Variants in DISP1 observed in about 807,000 individuals in gnomAD.
DISP1 encodes dispatched RND transporter family member 1, also known as protein dispatched homolog 1.
In DISP1, 30 loss-of-function variants were observed where a neutral mutation model predicts 37.3. The ratio of observed to expected loss-of-function variants is 0.80; its 90% confidence interval spans 0.60 to 1.09. The LOEUF (loss-of-function observed/expected upper bound fraction) is 1.09. Ranked by LOEUF, DISP1 falls within the 50% of genes least tolerant of loss-of-function variation. The pLI is 0.00. For synonymous variants in DISP1, 634 were observed against 690.2 expected, an observed-to-expected ratio of 0.92 and a Z score of 1.28; for missense variants, 1,598 against 1,879.5, an observed-to-expected ratio of 0.85 and a Z score of 2.77.
chr1:222,905,790 A>T (rs1226503565), intron 1 of DISP1, among the ~76,000 whole-genome samples: 1 of 152,224 alleles, frequency 6.6e-6, no homozygotes, highest in Non-Finnish European at 1.5e-5. Context: ...GTATGACTTC[A>T]TTCAAACTTG....
rs1674499231 is a variant in DISP1, at chr1:222,943,034, A to G, written c.211A>G (p.Asn71Asp). The G allele has an allele frequency of 1.2e-6, 2 of 1,614,086 alleles. No homozygotes were observed. Among genetic ancestry groups the G allele is most frequent in the Admixed American group, 1.7e-5 (1 of 60,004 alleles). The change falls in exon 3 of 9, where the codon AAC (asparagine) becomes GAC (aspartate). Residue 71 changes from asparagine (N) to aspartate (D), a missense_variant. By Grantham distance (23) the Asn-to-Asp change is conservative (BLOSUM62 1). Coordinates refer to ENST00000675850, the MANE Select transcript of DISP1 (RefSeq NM_001377229.1). ...TVKSSFLPLD[N>D]QRMPQMLPQC... ...CAAATCATCCTTTCTGCCTTTAGAC[A>G]ACCAAAGAATGCCTCAGATGTTACC... is the stretch of plus-strand genomic sequence containing the variant.
intron 1 of DISP1, among the ~76,000 whole-genome samples, chr1:222,855,134 TC>T (rs1367627244): frequency 6.6e-6 from 1 of 152,190 alleles, no homozygotes; most frequent in Non-Finnish European, 1.5e-5. Context: ...CATAGAATCT[TC>T]CTGAGTTACT....
At chr1:222,976,590 A>T (rs1417587966) in intron 3 of DISP1, among the ~76,000 whole-genome samples, 2 of 151,964 alleles carry the variant, frequency 1.3e-5, no homozygotes, top group Non-Finnish European at 1.5e-5. Flanking sequence ...GTCTCTACTT[A>T]CTGTCTCAAA....
At chr1:222,818,724 C>G (rs1252920181) in intron 1 of DISP1, among the ~76,000 whole-genome samples, 2 of 152,116 alleles carry the variant, frequency 1.3e-5, no homozygotes, top group African/African-American at 4.8e-5. Context: ...ATGAGTCCTA[C>G]CAACATTACG....
Position 222,974,660 on chromosome 1 carries a change from G to A in DISP1, c.510-8420G>A, listed in dbSNP as rs114924732. Among the ~76,000 whole-genome samples, 1,239 of 152,178 alleles carry A rather than the reference G, an allele frequency of 8.1e-3. 17 individuals are homozygous for A. The highest frequency in any genetic ancestry group is 0.029 in the African/African-American group (1,189 of 41,498). ...AGCATTTAGGAAATGCATCACACAAGTAGTTGTGGTTTTTGTTATCCTTAA... is the reference window on the plus strand; with the variant it reads ...AGCATTTAGGAAATGCATCACACAAATAGTTGTGGTTTTTGTTATCCTTAA... On this transcript the variant is annotated intron_variant, in intron 3 of 8. Coordinates refer to ENST00000675850, the MANE Select transcript of DISP1 (RefSeq NM_001377229.1).
chr1:222,908,899 T>G (rs543274010), intron 1 of DISP1, among the ~76,000 whole-genome samples: 19 of 152,212 alleles, frequency 1.2e-4, no homozygotes, highest in Non-Finnish European at 2.4e-4. Flanking sequence ...TGGAGATTAT[T>G]ATTTTTCTGT....
chr1:222,890,821 T>C (rs1670898544), intron 1 of DISP1, among the ~76,000 whole-genome samples: 2 of 152,126 alleles, frequency 1.3e-5, no homozygotes, highest in South Asian at 4.1e-4. Context: ...TCTTTGGTGT[T>C]ACTTGGTTTG....
intron 3 of DISP1, among the ~76,000 whole-genome samples, chr1:222,957,917 G>A (rs1675739494): frequency 6.6e-6 from 1 of 152,192 alleles, no homozygotes; most frequent in Non-Finnish European, 1.5e-5. Context: ...ATTTGTTCCA[G>A]CTTAGATTTG....
intron 1 of DISP1, among the ~76,000 whole-genome samples, chr1:222,925,536 T>C (rs1232528903): frequency 6.6e-6 from 1 of 152,152 alleles, no homozygotes; most frequent in Non-Finnish European, 1.5e-5. Flanking sequence ...ACCCTAAGAT[T>C]TTAGGGATTG....
chr1:222,889,324 T>C (rs1670815216), intron 1 of DISP1, among the ~76,000 whole-genome samples: 1 of 152,108 alleles, frequency 6.6e-6, no homozygotes. Context: ...TTACCTTGTA[T>C]ACCTTGTCTG....
chr1:222,857,005 CTTATAA>C (rs1291303024), intron 1 of DISP1, among the ~76,000 whole-genome samples: 5 of 152,172 alleles, frequency 3.3e-5, no homozygotes, highest in South Asian at 2.1e-4. Context: ...TGCCCATCCT[CTTATAA>C]TTATTATTAG....
intron 8 of DISP1, among the ~76,000 whole-genome samples, chr1:222,998,221 T>A (rs1441669780): frequency 1.3e-5 from 2 of 151,622 alleles, no homozygotes; most frequent in Non-Finnish European, 2.9e-5. Context: ...TAAGACTACT[T>A]GGCAGTTGTT....
chr1:222,963,268 A>G (rs1447136244), intron 3 of DISP1, among the ~76,000 whole-genome samples: 1 of 152,232 alleles, frequency 6.6e-6, no homozygotes, highest in Non-Finnish European at 1.5e-5. Flanking sequence ...AAAAGTCATG[A>G]AACAATAGAT....
intron 1 of DISP1, among the ~76,000 whole-genome samples, chr1:222,914,831 G>A (rs1672405178): frequency 6.6e-6 from 1 of 152,058 alleles, no homozygotes; most frequent in African/African-American, 2.4e-5. Context: ...GCCGGGGACG[G>A]TAGCCTGCCC....
chr1:222,910,513 A>G (rs1672152746), intron 1 of DISP1, among the ~76,000 whole-genome samples: 1 of 152,246 alleles, frequency 6.6e-6, no homozygotes, highest in South Asian at 2.1e-4. Context: ...CCCAGAGGGA[A>G]GGTGTGGTGG....
intron 3 of DISP1, among the ~76,000 whole-genome samples, chr1:222,980,449 G>T (rs1191446090): frequency 6.6e-6 from 1 of 150,738 alleles, no homozygotes; most frequent in Non-Finnish European, 1.5e-5. Flanking sequence ...GTATAAGAGA[G>T]AAACAAAATA....
At chr1:222,980,258 C>G (rs190893973) in intron 3 of DISP1, among the ~76,000 whole-genome samples, 70 of 152,258 alleles carry the variant, frequency 4.6e-4, no homozygotes, top group African/African-American at 1.7e-3. Flanking sequence ...CTTTAATTAA[C>G]CTTTCTGATT....
In DISP1 at chr1:222,907,373, A is replaced by G. The variant is rs147098468; in HGVS notation, c.-158-21057A>G. Among the ~76,000 whole-genome samples, 500 of 152,324 alleles carry G rather than the reference A, an allele frequency of 3.3e-3. 2 individuals carry two copies. Among genetic ancestry groups the G allele is most frequent in the Middle Eastern group, 0.017 (5 of 294 alleles). On this transcript the variant is annotated intron_variant, in intron 1 of 8. Coordinates refer to ENST00000675850, the MANE Select transcript of DISP1 (RefSeq NM_001377229.1). ...GCAGAGATTCTCAAAGTGTGGTCCCACACTTAGCAGCTTTAGCATCATCTG... is the reference window on the plus strand; with the variant it reads ...GCAGAGATTCTCAAAGTGTGGTCCCGCACTTAGCAGCTTTAGCATCATCTG...
intron 8 of DISP1, among the ~76,000 whole-genome samples, chr1:222,997,470 T>C (rs1280490793): frequency 6.6e-6 from 1 of 152,110 alleles, no homozygotes. Flanking sequence ...TTTAACAGCG[T>C]GCTTAGAAGA....
Sources: gnomAD v4.1 joint callset for allele counts (sites outside exome capture counted in the v4.1 genomes callset) on GRCh38, gnomAD v4.1.1 for gene constraint, MANE v1.5 for transcripts, NCBI Gene and HGNC (gene_info 2026-07-23, HGNC 2026-07-21) for gene names.